NPLOC4: variants seen among roughly 807,000 people sequenced by gnomAD.
NPLOC4 encodes the protein nuclear protein localization protein 4 homolog.
A neutral mutation model predicts 80.6 loss-of-function variants in NPLOC4; 18 were observed. That is an observed-to-expected ratio of 0.22 (90% CI 0.15 to 0.33). The LOEUF (loss-of-function observed/expected upper bound fraction) is 0.33. Ranked by LOEUF, NPLOC4 falls within the 10% of genes least tolerant of loss-of-function variation. NPLOC4 has a pLI of 1.00. For missense variants in NPLOC4, 540 were observed against 786.1 expected, an observed-to-expected ratio of 0.69 and a Z score of 3.74; for synonymous variants, 313 against 301.5, an observed-to-expected ratio of 1.04 and a Z score of -0.39.
chr17:81,585,030 C>T (rs188378584), intron 12 of NPLOC4, among the ~76,000 whole-genome samples: 251 of 151,886 alleles, frequency 1.7e-3, no homozygotes, highest in African/African-American at 5.5e-3. Context: ...ATCAGCCAGG[C>T]GTGGCAGCGT....
rs1331270702 is a variant in NPLOC4 at position 81,557,173 on chromosome 17, G to T, written c.*2086C>A. ...GTCCACACCAAGGGCAGGTGAAGAT[G>T]CGAGGTGGGGCTGAGACCTCCTTCC... On this transcript the variant is annotated 3_prime_UTR_variant, in exon 17 of 17. Transcript: ENST00000331134. The T allele has an allele frequency of 2.0e-5, 3 of 152,270 alleles. No homozygotes were observed. Among genetic ancestry groups the T allele is most frequent in the African/African-American group, 7.2e-5 (3 of 41,422 alleles). 9.4% of individuals were successfully genotyped at this position (152,270 alleles called of 1,614,324 possible).
intron 12 of NPLOC4, chr17:81,587,980 A>T (rs2034635477): frequency 6.6e-6 from 1 of 151,980 alleles, no homozygotes; most frequent in Admixed American, 6.6e-5. Flanking sequence ...CGGCCGAAAA[A>T]AGTTAATATA....
chr17:81,603,029 C>A (rs1447319486), intron 8 of NPLOC4, among the ~76,000 whole-genome samples: 1 of 149,216 alleles, frequency 6.7e-6, no homozygotes, highest in Non-Finnish European at 1.5e-5. Context: ...AAAAGTCAGA[C>A]ATGGTGGTGC....
At chr17:81,583,910 G>T (rs564090250) in intron 12 of NPLOC4, among the ~76,000 whole-genome samples, 1 of 152,268 alleles carries the variant, frequency 6.6e-6, no homozygotes, top group Admixed American at 6.5e-5. Flanking sequence ...TTATACTCTA[G>T]GTATAGATGC....
intron 16 of NPLOC4, chr17:81,561,771 TG>T (rs1040149711): frequency 9.2e-5 from 14 of 152,106 alleles, no homozygotes; most frequent in African/African-American, 2.4e-4. Context: ...TTTTTAATAT[TG>T]TTTTTTTGTA....
intron 2 of NPLOC4, among the ~76,000 whole-genome samples, chr17:81,624,369 G>A (rs764160718): frequency 2.0e-5 from 3 of 152,156 alleles, no homozygotes; most frequent in Non-Finnish European, 4.4e-5. Flanking sequence ...AGTGAGCCAA[G>A]ATGGCGCCAT....
Position 81,596,096 on chromosome 17 carries a change from A to T in NPLOC4, c.1120+20T>A, listed in dbSNP as rs1344706086. The T allele has an allele frequency of 1.2e-6, 2 of 1,610,698 alleles. No individual in the cohort carries two copies. The highest frequency in any genetic ancestry group is 2.7e-5 in the African/African-American group (2 of 74,832). Reference sequence around the variant, plus strand: ...TTAACGAGGTGGTAATATTTACAGTACATACTGTCCCTGTTATACCTGTAG... The same window carrying T: ...TTAACGAGGTGGTAATATTTACAGTTCATACTGTCCCTGTTATACCTGTAG... On this transcript the variant is annotated intron_variant, in intron 11 of 16. Coordinates refer to ENST00000331134, the MANE Select transcript of NPLOC4 (RefSeq NM_017921.4).
chr17:81,601,450 G>C (rs569342132), intron 8 of NPLOC4, among the ~76,000 whole-genome samples: 1 of 152,286 alleles, frequency 6.6e-6, no homozygotes, highest in East Asian at 1.9e-4. Flanking sequence ...TAGTAGAAAC[G>C]GGGTTTTGCC....
At position 81,572,125 on chromosome 17, in the gene NPLOC4, C is replaced by T. The variant is rs1421985056; in HGVS notation, c.1282-37G>A. 7 of 1,398,456 alleles carry T rather than the reference C, an allele frequency of 5.0e-6. No homozygotes were observed. Among genetic ancestry groups the T allele is most frequent in the Non-Finnish European group, 6.0e-6 (6 of 1,005,608 alleles). The allele number at this position is 1,398,456 out of a possible 1,614,324, so 86.6% of individuals were successfully genotyped here. ...AGAGGGGAACAGCGGTGAGCAAAGA[C>T]GATCAGTAGTAATGATTTTCCTTTC... On this transcript the variant is annotated intron_variant, in intron 12 of 16. Coordinates refer to ENST00000331134, the MANE Select transcript of NPLOC4 (RefSeq NM_017921.4). The surrounding 1 kb of genome is among the most constrained non-coding windows in gnomAD (Gnocchi z 4.5).
chr17:81,568,185 G>T (rs1229460439), intron 14 of NPLOC4: 7 of 151,954 alleles, frequency 4.6e-5, no homozygotes, highest in African/African-American at 1.4e-4. Flanking sequence ...GGGGCCTGGG[G>T]CCCCCTTCAC....
intron 3 of NPLOC4, among the ~76,000 whole-genome samples, chr17:81,616,729 CAAAA>C (rs71166160): frequency 1.7e-4 from 25 of 142,910 alleles, no homozygotes; most frequent in African/African-American, 2.3e-4. Flanking sequence ...GACTCCATCT[CAAAA>C]AAAAAAAAAA....
At chr17:81,589,445 C>T (rs1277700033) in intron 11 of NPLOC4, among the ~76,000 whole-genome samples, 3 of 151,010 alleles carry the variant, frequency 2.0e-5, no homozygotes, top group Admixed American at 6.6e-5. Flanking sequence ...AGGAGAATGG[C>T]GTGAATGGCG....
rs1273625961 is a variant in NPLOC4 at position 81,608,709 on chromosome 17, G to A, written c.530+19C>T. The A allele has an allele frequency of 6.4e-7, 1 of 1,556,308 alleles. No homozygotes were observed. Among genetic ancestry groups the A allele is most frequent in the Non-Finnish European group, 8.7e-7 (1 of 1,145,900 alleles). On this transcript the variant is annotated intron_variant, in intron 6 of 16. Transcript: ENST00000331134. ...CAAAAAGGAATTTACGCACAACCAG[G>A]TTACAGCAAGTTGCTTACTTGTCAG...
chr17:81,591,144 C>T (rs550715142), intron 11 of NPLOC4, among the ~76,000 whole-genome samples: 5 of 152,218 alleles, frequency 3.3e-5, no homozygotes, highest in Admixed American at 1.3e-4. Flanking sequence ...ACCATGAAAA[C>T]CTGGACTGGG....
rs547892263 is a variant in NPLOC4 at position 81,569,342 on chromosome 17, C to G, written c.1354-231G>C. 5.1e-3 allele frequency among the ~76,000 whole-genome samples: 781 copies of G among 152,362 alleles called. 3 individuals carry two copies. Among genetic ancestry groups the G allele is most frequent in the Non-Finnish European group, 7.5e-3 (508 of 68,034 alleles). On this transcript the variant is annotated intron_variant, in intron 13 of 16. Transcript: ENST00000331134. Reference sequence around the variant, plus strand: ...AACTACACCATATCCGGGCAGCCTCCGGCCTGTGCACCGGCCTCGACGTCG... The same window carrying G: ...AACTACACCATATCCGGGCAGCCTCGGGCCTGTGCACCGGCCTCGACGTCG...
chr17:81,590,034 G>T (rs1194668436), intron 11 of NPLOC4, among the ~76,000 whole-genome samples: 1 of 152,120 alleles, frequency 6.6e-6, no homozygotes, highest in South Asian at 2.1e-4. Flanking sequence ...ATGGGGAAGC[G>T]GGTGGGAGAA....
chr17:81,617,087 C>A (rs1055918628), intron 3 of NPLOC4, among the ~76,000 whole-genome samples: 1 of 152,114 alleles, frequency 6.6e-6, no homozygotes, highest in Non-Finnish European at 1.5e-5. Context: ...GTCACGAGAC[C>A]CAAGAGGCAG....
intron 1 of NPLOC4, among the ~76,000 whole-genome samples, chr17:81,630,968 T>C (rs1366134221): frequency 1.3e-5 from 2 of 151,568 alleles, no homozygotes; most frequent in East Asian, 1.9e-4. Flanking sequence ...AGGTCAGGAG[T>C]TCGAGACCAG....
chr17:81,635,070 G>A (rs980781019), intron 1 of NPLOC4, among the ~76,000 whole-genome samples: 21 of 151,852 alleles, frequency 1.4e-4, no homozygotes, highest in African/African-American at 4.1e-4. Flanking sequence ...GGCCAGGCGC[G>A]GTGGCTTATG....
Sources: gnomAD v4.1 joint callset for allele counts (sites outside exome capture counted in the v4.1 genomes callset) on GRCh38, gnomAD v4.1.1 for gene constraint, Gnocchi (gnomAD v3.1) non-coding constraint, MANE v1.5 for transcripts, NCBI Gene and HGNC (gene_info 2026-07-23, HGNC 2026-07-21) for gene names.